The following RBFOX2 variants were observed in gnomAD, a reference collection of about 807,000 sequenced individuals.
RBFOX2 encodes RNA binding protein fox-1 homolog 2.
RBFOX2 carries 10 observed loss-of-function variants against 49.1 expected under a neutral mutation model. The observed-to-expected ratio is 0.20, with a 90% CI of 0.13 to 0.35. The LOEUF (loss-of-function observed/expected upper bound fraction) is 0.35, where lower values mean the gene tolerates loss of function less well. Ranked by LOEUF, RBFOX2 falls within the 10% of genes least tolerant of loss-of-function variation. RBFOX2 has a pLI of 1.00. For synonymous variants in RBFOX2, 183 were observed against 187.4 expected, an observed-to-expected ratio of 0.98 and a Z score of 0.19; for missense variants, 323 against 486.9, an observed-to-expected ratio of 0.66 and a Z score of 3.17.
At chr22:35,858,300 G>A (rs1469983406) in intron 1 of RBFOX2, among the ~76,000 whole-genome samples, 1 of 152,076 alleles carries the variant, frequency 6.6e-6, no homozygotes. Context: ...TGGCCTCTGT[G>A]CCTTTGATCA....
upstream of RBFOX2, among the ~76,000 whole-genome samples, chr22:35,962,117 C>T (rs200614960): frequency 4.6e-5 from 7 of 152,230 alleles, no homozygotes; most frequent in South Asian, 8.3e-4. Context: ...CCGCTGTTTC[C>T]TTCCATCCTA....
intron 1 of RBFOX2, among the ~76,000 whole-genome samples, chr22:35,917,192 A>C (rs2050524081): frequency 1.3e-5 from 2 of 152,224 alleles, no homozygotes; most frequent in Admixed American, 6.5e-5. Flanking sequence ...AAAGGAGCTC[A>C]TGTTGGTAGG....
At chr22:35,998,310 C>T (rs913178132) in intron 1 of RBFOX2, 2 of 152,144 alleles carry the variant, frequency 1.3e-5, no homozygotes, top group Non-Finnish European at 2.9e-5. Flanking sequence ...CCCTTACAGA[C>T]CATCTCCTAG....
chr22:35,882,778 A>T lies in RBFOX2; in HGVS notation c.-34+56069T>A, dbSNP rs548329964. On this transcript the variant is annotated intron_variant, in intron 1 of 13. Coordinates refer to the RBFOX2 transcript ENST00000359369. The stretch of plus-strand genomic sequence containing the variant: ...TACGGGGGTGGGAAATCCTCTCCTG[A>T]TTGCTTCAGTTTTGCACATATCATC... 2.0e-5 allele frequency among the ~76,000 whole-genome samples: 3 copies of T among 152,274 alleles called. No homozygotes were observed. The South Asian group carries it at 6.2e-4, about 32-fold the overall frequency.
At chr22:35,882,792 G>T (rs2046082358) in intron 1 of RBFOX2, among the ~76,000 whole-genome samples, 1 of 152,148 alleles carries the variant, frequency 6.6e-6, no homozygotes, top group South Asian at 2.1e-4. Context: ...CTTCAGTTTT[G>T]CACATATCAT....
At chr22:35,974,599 A>G (rs1355353008) in intron 1 of RBFOX2, among the ~76,000 whole-genome samples, 1 of 152,198 alleles carries the variant, frequency 6.6e-6, no homozygotes, top group African/African-American at 2.4e-5. Context: ...AGGCGGGAGA[A>G]TCACTTGAAC....
intron 1 of RBFOX2, among the ~76,000 whole-genome samples, chr22:35,981,981 G>A (rs1015263668): frequency 6.6e-6 from 1 of 152,162 alleles, no homozygotes; most frequent in Non-Finnish European, 1.5e-5. Context: ...ACACCAAAGG[G>A]AATGTAGGCA....
chr22:36,026,474 G>A (rs756704795), intron 1 of RBFOX2, among the ~76,000 whole-genome samples: 3 of 151,818 alleles, frequency 2.0e-5, no homozygotes, highest in Non-Finnish European at 2.9e-5. Flanking sequence ...GGCCCCAGGA[G>A]TAAATGAGGG....
At chr22:35,843,606 C>T (rs2040794103), upstream of RBFOX2, among the ~76,000 whole-genome samples, 1 of 152,150 alleles carries the variant, frequency 6.6e-6, no homozygotes, top group Admixed American at 6.5e-5. Flanking sequence ...GCATTCCCTC[C>T]TTTGGGAAAC....
intron 1 of RBFOX2, among the ~76,000 whole-genome samples, chr22:36,026,320 G>A (rs1365125301): frequency 1.4e-5 from 2 of 144,450 alleles, no homozygotes; most frequent in African/African-American, 5.5e-5. Flanking sequence ...AAGGATTCTC[G>A]GAGGGATAAC....
At chr22:35,976,334 C>T (rs1457330116) in intron 1 of RBFOX2, among the ~76,000 whole-genome samples, 1 of 151,314 alleles carries the variant, frequency 6.6e-6, no homozygotes, top group Non-Finnish European at 1.5e-5. Context: ...ACCACCACCA[C>T]CACCCCCCCC....
At chr22:35,937,178 A>T (rs1271549182) in intron 1 of RBFOX2, among the ~76,000 whole-genome samples, 1 of 152,162 alleles carries the variant, frequency 6.6e-6, no homozygotes, top group Non-Finnish European at 1.5e-5. Context: ...CCAATCAGAA[A>T]CTCCGTGGGG....
At chr22:35,813,829 G>C (rs908475911) in intron 1 of RBFOX2, among the ~76,000 whole-genome samples, 3 of 152,214 alleles carry the variant, frequency 2.0e-5, no homozygotes, top group African/African-American at 4.8e-5. Context: ...TGTTGGGCTA[G>C]AGAGCATAAC....
chr22:35,811,483 C>G (rs1225084185), intron 1 of RBFOX2, among the ~76,000 whole-genome samples: 2 of 152,088 alleles, frequency 1.3e-5, no homozygotes, highest in African/African-American at 4.8e-5. Context: ...AAAAAGACAT[C>G]AGAAGAAACC....
At chr22:35,873,536 T>C (rs954151887) in intron 1 of RBFOX2, among the ~76,000 whole-genome samples, 9 of 152,238 alleles carry the variant, frequency 5.9e-5, no homozygotes, top group Non-Finnish European at 1.2e-4. Context: ...TGACAATGTT[T>C]CTGACAAACT....
At chr22:35,888,027 T>G (rs1385855542) in intron 1 of RBFOX2, among the ~76,000 whole-genome samples, 1 of 152,154 alleles carries the variant, frequency 6.6e-6, no homozygotes, top group African/African-American at 2.4e-5. Context: ...TTAGATCCTA[T>G]GGCCTCATAC....
intron 3 of RBFOX2, among the ~76,000 whole-genome samples, chr22:35,778,746 C>T (rs1021592000): frequency 1.1e-4 from 16 of 152,118 alleles, no homozygotes; most frequent in Admixed American, 3.9e-4. Flanking sequence ...AAGCTATTCT[C>T]CTGCCTCAGC....
At chr22:35,939,884 AG>A (rs2053520622), upstream of RBFOX2, among the ~76,000 whole-genome samples, 1 of 152,184 alleles carries the variant, frequency 6.6e-6, no homozygotes, top group Admixed American at 6.5e-5. Flanking sequence ...CTTGCTTTCA[AG>A]GGAACTTTTA....
rs1055959701 is a variant in RBFOX2 at position 35,824,370 on chromosome 22, G to C, written c.28-14366C>G. 3 of 152,282 alleles carry C rather than the reference G, an allele frequency of 2.0e-5. No homozygotes were observed. In the East Asian group the frequency reaches 5.8e-4, roughly 29 times the overall value. 9.4% of individuals were successfully genotyped at this position (152,282 alleles called of 1,614,324 possible). On this transcript the variant is annotated intron_variant, in intron 1 of 11. Coordinates refer to ENST00000405409, the Ensembl canonical transcript of RBFOX2. ...TCCCTCCTTCTTCATGAATGCAATA[G>C]TAGCCAAGATCAGAATGCAGTCTAA...
Sources: gnomAD v4.1 joint callset for allele counts (sites outside exome capture counted in the v4.1 genomes callset) on GRCh38, gnomAD v4.1.1 for gene constraint, MANE v1.5 for transcripts, NCBI Gene and HGNC (gene_info 2026-07-23, HGNC 2026-07-21) for gene names.